The following PITPNC1 variants were observed in gnomAD, a reference collection of about 807,000 sequenced individuals.
The protein encoded by PITPNC1 is phosphatidylinositol transfer protein cytoplasmic 1.
A neutral mutation model predicts 44.7 loss-of-function variants in PITPNC1; 18 were observed. The observed-to-expected ratio is 0.40, with a 90% CI of 0.28 to 0.60. The LOEUF (loss-of-function observed/expected upper bound fraction) is 0.60. PITPNC1 is among the 20% of genes least tolerant of loss of function. The pLI is 0.39. For synonymous variants in PITPNC1, 141 were observed against 149.6 expected (o/e 0.94, Z 0.42); for missense variants, 290 against 418.4 (o/e 0.69, Z 2.68).
In PITPNC1 at chr17:67,669,461, T is replaced by C. The variant is rs2042477001; in HGVS notation, c.463-47T>C. On this transcript the variant is annotated intron_variant, in intron 6 of 8. Transcript: ENST00000581322. ...ACTTATTCCTGACATTTAATAATGA[T>C]GGTCAAACTTTTAATATATCAATTT... The C allele has an allele frequency of 3.1e-6, 4 of 1,289,368 alleles. No individual in the cohort carries two copies. In the South Asian group the frequency reaches 4.1e-5, roughly 13 times the overall value. 79.9% of individuals were successfully genotyped at this position (1,289,368 alleles called of 1,614,324 possible).
intron 6 of PITPNC1, among the ~76,000 whole-genome samples, chr17:67,651,759 G>A (rs1286778525): frequency 6.6e-6 from 1 of 152,152 alleles, no homozygotes; most frequent in East Asian, 1.9e-4. Flanking sequence ...TGTCTCCATA[G>A]ATTTCCCTTT....
chr17:67,631,286 T>G (rs2144331191), intron 5 of PITPNC1, among the ~76,000 whole-genome samples: 1 of 151,268 alleles, frequency 6.6e-6, no homozygotes, highest in East Asian at 1.9e-4. Flanking sequence ...TATTTTTGCT[T>G]ATCTATATTT....
At chr17:67,388,092 C>G (rs76844586) in intron 1 of PITPNC1, among the ~76,000 whole-genome samples, 4,827 of 152,132 alleles carry the variant, frequency 0.032, 252 homozygotes, top group African/African-American at 0.11. Context: ...TTTAAGGAAC[C>G]CTGATCCTCT....
At chr17:67,665,823 T>A (rs527550240) in intron 6 of PITPNC1, among the ~76,000 whole-genome samples, 1 of 149,612 alleles carries the variant, frequency 6.7e-6, no homozygotes, top group Non-Finnish European at 1.5e-5. Flanking sequence ...AAAGGGTCCT[T>A]GGAGGGGATG....
At chr17:67,445,176 T>G (rs1309628000) in intron 1 of PITPNC1, among the ~76,000 whole-genome samples, 2 of 152,032 alleles carry the variant, frequency 1.3e-5, no homozygotes, top group Non-Finnish European at 2.9e-5. Context: ...GTTGACCGAC[T>G]TCAGTGTTTT....
At chr17:67,445,430 A>G (rs1474028306) in intron 1 of PITPNC1, among the ~76,000 whole-genome samples, 4 of 152,036 alleles carry the variant, frequency 2.6e-5, no homozygotes, top group Admixed American at 1.3e-4. Context: ...CTGAGCCCCA[A>G]CAGTAACTAG....
intron 1 of PITPNC1, among the ~76,000 whole-genome samples, chr17:67,518,140 C>T (rs542752370): frequency 6.6e-6 from 1 of 152,266 alleles, no homozygotes; most frequent in East Asian, 1.9e-4. Flanking sequence ...TAATTTGCTA[C>T]ATTCCTGGAT....
intron 1 of PITPNC1, among the ~76,000 whole-genome samples, chr17:67,441,464 A>T (rs973116753): frequency 6.6e-6 from 1 of 152,228 alleles, no homozygotes; most frequent in Admixed American, 6.5e-5. Flanking sequence ...GGAAGCTAAC[A>T]TAAGCAGAGG....
chr17:67,587,379 A>G (rs1242341620), intron 5 of PITPNC1, among the ~76,000 whole-genome samples: 1 of 152,030 alleles, frequency 6.6e-6, no homozygotes, highest in Non-Finnish European at 1.5e-5. Context: ...CTGTCATCCC[A>G]GCTACTCAGG....
At chr17:67,573,687 C>G (rs138533571) in intron 4 of PITPNC1, among the ~76,000 whole-genome samples, 2,141 of 151,590 alleles carry the variant, frequency 0.014, 57 homozygotes, top group African/African-American at 0.049. Flanking sequence ...CTCAGCCTCC[C>G]GAGTAGCTGG....
chr17:67,614,530 G>C (rs1339456903), intron 5 of PITPNC1, among the ~76,000 whole-genome samples: 7 of 151,806 alleles, frequency 4.6e-5, no homozygotes, highest in Admixed American at 2.0e-4. Flanking sequence ...AAATTAGCCA[G>C]GTGTGGTGGC....
chr17:67,453,261 C>T (rs537839844), intron 1 of PITPNC1, among the ~76,000 whole-genome samples: 1 of 152,312 alleles, frequency 6.6e-6, no homozygotes, highest in East Asian at 1.9e-4. Context: ...AGTCAAATCT[C>T]TTCCCTTTTG....
At chr17:67,420,587 AC>A (rs1235296602) in intron 1 of PITPNC1, among the ~76,000 whole-genome samples, 1 of 150,492 alleles carries the variant, frequency 6.6e-6, no homozygotes, top group Non-Finnish European at 1.5e-5. Context: ...ATCCACCACC[AC>A]GCCTGGCTGA....
intron 8 of PITPNC1, among the ~76,000 whole-genome samples, chr17:67,691,247 A>G (rs1273253527): frequency 6.6e-6 from 1 of 152,252 alleles, no homozygotes; most frequent in Non-Finnish European, 1.5e-5. Context: ...TATATCTTCA[A>G]CATATTATGT....
chr17:67,539,614 G>A (rs2040577059), intron 2 of PITPNC1, among the ~76,000 whole-genome samples: 1 of 152,192 alleles, frequency 6.6e-6, no homozygotes, highest in South Asian at 2.1e-4. Context: ...CGAGGCGGGT[G>A]GATCACGAGG....
At chr17:67,596,899 T>C (rs911818483) in intron 5 of PITPNC1, among the ~76,000 whole-genome samples, 1 of 151,980 alleles carries the variant, frequency 6.6e-6, no homozygotes, top group African/African-American at 2.4e-5. Flanking sequence ...AACCAATTTT[T>C]TTTTTTCTTT....
chr17:67,394,820 G>A (rs896201492), intron 1 of PITPNC1, among the ~76,000 whole-genome samples: 48 of 152,018 alleles, frequency 3.2e-4, no homozygotes, highest in East Asian at 1.9e-3. Flanking sequence ...GTGTGAACCC[G>A]GGAGGCGGAG....
At chr17:67,502,556 A>G (rs2040045983) in intron 1 of PITPNC1, among the ~76,000 whole-genome samples, 1 of 152,182 alleles carries the variant, frequency 6.6e-6, no homozygotes, top group African/African-American at 2.4e-5. Flanking sequence ...GATTGGGGGC[A>G]GCATTGGGGC....
chr17:67,534,218 A>G (rs1165206778), intron 2 of PITPNC1, among the ~76,000 whole-genome samples: 2 of 152,024 alleles, frequency 1.3e-5, no homozygotes, highest in Non-Finnish European at 2.9e-5. Context: ...TCTTACTATG[A>G]ATGGCGTAAT....
Sources: allele counts gnomAD v4.1 joint callset (sites outside exome capture counted in the v4.1 genomes callset), GRCh38; gene constraint gnomAD v4.1.1; transcripts MANE v1.5; gene names NCBI Gene and HGNC (gene_info 2026-07-23, HGNC 2026-07-21).